The following SNX29 variants were observed in gnomAD, a reference collection of about 807,000 sequenced individuals.
SNX29 encodes the protein sorting nexin-29.
A neutral mutation model predicts 102.1 loss-of-function variants in SNX29; 78 were observed. The ratio of observed to expected loss-of-function variants is 0.76; its 90% confidence interval spans 0.64 to 0.92. The LOEUF is 0.92. SNX29 is among the 40% of genes least tolerant of loss of function. SNX29 has a pLI of 0.00. For missense variants in SNX29, 1,280 were observed against 1,061.7 expected, an observed-to-expected ratio of 1.21 and a Z score of -2.86; for synonymous variants, 580 against 414.5, an observed-to-expected ratio of 1.40 and a Z score of -4.85.
chr16:12,530,468 T>G (rs1356307781), intron 20 of SNX29, among the ~76,000 whole-genome samples: 1 of 152,054 alleles, frequency 6.6e-6, no homozygotes, highest in East Asian at 1.9e-4. Flanking sequence ...TGTCAAGTCT[T>G]TTGTGTAACT....
At position 12,129,885 on chromosome 16, in the gene SNX29, A is replaced by G. The variant is rs966501612; in HGVS notation, c.1595+127A>G. 3 of 1,177,652 alleles carry G rather than the reference A, an allele frequency of 2.5e-6. No homozygotes were observed. The African/African-American group carries it at 4.7e-5, about 18-fold the overall frequency. 73.0% of individuals were successfully genotyped at this position (1,177,652 alleles called of 1,614,324 possible). A position where few individuals can be genotyped will look rare whatever the true frequency, so the allele number is the denominator to read the frequency against. On this transcript the variant is annotated intron_variant, in intron 13 of 20. Transcript: ENST00000566228. ...TTTGGGAGGCCAAGGCGGGTGGATCATAAGGTCAGGAGATCGAGACCATCC... is the reference window on the plus strand; with the variant it reads ...TTTGGGAGGCCAAGGCGGGTGGATCGTAAGGTCAGGAGATCGAGACCATCC...
chr16:12,574,102 TAAC>T lies in SNX29; in HGVS notation c.*5474_*5476del, dbSNP rs1204192604. On this transcript the variant is annotated 3_prime_UTR_variant, in exon 21 of 21. Transcript: ENST00000566228. The stretch of plus-strand genomic sequence containing the variant: ...CGCCCTGAAACCTGTAGTATTATCT[TAAC>T]TACCCTCTTATGTTAAGGTTTACAT... The T allele has an allele frequency of 5.3e-6, 1 of 187,174 alleles. No homozygotes were observed. Among genetic ancestry groups the T allele is most frequent in the African/African-American group, 2.3e-5 (1 of 42,788 alleles). 11.6% of individuals were successfully genotyped at this position (187,174 alleles called of 1,614,324 possible).
Position 12,417,522 on chromosome 16 carries a change from C to G in SNX29, c.2037+13993C>G, listed in dbSNP as rs1013805376. ...TTCTCTTTGCTCCCCGCTTTGCACA[C>G]TCTACATCCCTCCCCTGGTCTTTTC... On this transcript the variant is annotated intron_variant, in intron 18 of 20. Transcript: ENST00000566228. Among the ~76,000 whole-genome samples, 7 of 152,140 alleles carry G rather than the reference C, an allele frequency of 4.6e-5. No individual in the cohort carries two copies. The South Asian group carries it at 6.2e-4, about 14-fold the overall frequency.
chr16:12,092,119 C>G (rs1480023954), intron 11 of SNX29, among the ~76,000 whole-genome samples: 1 of 152,184 alleles, frequency 6.6e-6, no homozygotes, highest in Admixed American at 6.5e-5. Context: ...CTGCTGACTT[C>G]AGGTTTCAGA....
At chr16:12,255,385 T>G (rs893237282) in intron 14 of SNX29, among the ~76,000 whole-genome samples, 1 of 151,890 alleles carries the variant, frequency 6.6e-6, no homozygotes, top group Admixed American at 6.6e-5. Flanking sequence ...AGAGACAGGG[T>G]TTCGCCATAT....
intron 1 of SNX29, among the ~76,000 whole-genome samples, chr16:11,983,471 C>G (rs569612482): frequency 9.2e-5 from 14 of 152,196 alleles, no homozygotes; most frequent in African/African-American, 3.4e-4. Context: ...AATAAATAAT[C>G]AGCTGAAATG....
chr16:12,517,202 A>T (rs989800540), intron 19 of SNX29, among the ~76,000 whole-genome samples: 1 of 152,174 alleles, frequency 6.6e-6, no homozygotes, highest in South Asian at 2.1e-4. Context: ...CAGGTTCCAT[A>T]CGCTGGGTTT....
chr16:12,527,247 C>T lies in SNX29; in HGVS notation c.2318+2406C>T, dbSNP rs567410698. The T allele has an allele frequency of 2.0e-4, 107 of 533,236 alleles. No homozygotes were observed. The East Asian group carries it at 2.9e-3, about 14-fold the overall frequency. The allele number at this position is 533,236 out of a possible 1,614,324, so 33.0% of individuals were successfully genotyped here. ...GGATCAGCCACAGCCAAGCCTTACC[C>T]GTGCTGACGAATCTCCATGTGATCG... is the stretch of plus-strand genomic sequence containing the variant. On this transcript the variant is annotated intron_variant, in intron 20 of 20. Transcript: ENST00000566228.
intron 11 of SNX29, among the ~76,000 whole-genome samples, chr16:12,116,938 G>A (rs952111750): frequency 6.6e-6 from 1 of 151,986 alleles, no homozygotes; most frequent in Non-Finnish European, 1.5e-5. Flanking sequence ...CAACGAGGAC[G>A]AACCATGGAA....
At chr16:12,545,043 T>C (rs11861501) in intron 20 of SNX29, among the ~76,000 whole-genome samples, 2 of 151,956 alleles carry the variant, frequency 1.3e-5, no homozygotes, top group Non-Finnish European at 1.5e-5. Context: ...AGGTCTGTGA[T>C]GCCCTGCTCC....
chr16:12,489,775 G>A (rs1238185559), intron 19 of SNX29, among the ~76,000 whole-genome samples: 10 of 151,850 alleles, frequency 6.6e-5, no homozygotes, highest in Admixed American at 5.9e-4. Flanking sequence ...TTCCTCCCCC[G>A]TTCACTTCTC....
intron 15 of SNX29, among the ~76,000 whole-genome samples, chr16:12,352,076 GGTGA>G (rs1387409174): frequency 6.6e-6 from 1 of 152,074 alleles, no homozygotes; most frequent in Non-Finnish European, 1.5e-5. Context: ...TTAAATCGAA[GGTGA>G]GTGATTTAAA....
intron 7 of SNX29, among the ~76,000 whole-genome samples, chr16:12,050,895 A>G (rs1397788809): frequency 6.9e-6 from 1 of 144,424 alleles, no homozygotes. Flanking sequence ...TTTTTTTTGT[A>G]TTTTTAATAC....
intron 6 of SNX29, among the ~76,000 whole-genome samples, chr16:12,047,622 A>C (rs952834993): frequency 2.0e-5 from 3 of 150,492 alleles, no homozygotes; most frequent in African/African-American, 7.3e-5. Context: ...ACTGGAGTAC[A>C]GGGAGATGCT....
At chr16:12,223,079 G>A (rs577490173) in intron 14 of SNX29, among the ~76,000 whole-genome samples, 6 of 152,274 alleles carry the variant, frequency 3.9e-5, no homozygotes, top group South Asian at 2.1e-4. Flanking sequence ...TCTGAAATGC[G>A]TTTCCTCAGT....
intron 19 of SNX29, among the ~76,000 whole-genome samples, chr16:12,499,775 A>C (rs575069984): frequency 2.0e-5 from 3 of 152,148 alleles, no homozygotes; most frequent in Non-Finnish European, 4.4e-5. Flanking sequence ...CCCTGTGCTC[A>C]GGTGATTCTC....
chr16:12,550,970 CA>C (rs1379412099), intron 20 of SNX29, among the ~76,000 whole-genome samples: 3 of 152,096 alleles, frequency 2.0e-5, no homozygotes, highest in African/African-American at 7.2e-5. Flanking sequence ...GGGCTTAGGG[CA>C]CAACAAAAAG....
intron 15 of SNX29, among the ~76,000 whole-genome samples, chr16:12,315,279 C>T (rs1423431991): frequency 6.6e-6 from 1 of 152,150 alleles, no homozygotes; most frequent in Admixed American, 6.5e-5. Flanking sequence ...AGGGGCCTTG[C>T]TCCGGACCAG....
At chr16:12,371,777 T>A (rs562669406) in intron 16 of SNX29, among the ~76,000 whole-genome samples, 9 of 152,322 alleles carry the variant, frequency 5.9e-5, no homozygotes, top group Non-Finnish European at 8.8e-5. Flanking sequence ...AACGCAGATA[T>A]TTTTTAGCTT....
Sources: gnomAD v4.1 joint callset for allele counts (sites outside exome capture counted in the v4.1 genomes callset) on GRCh38, gnomAD v4.1.1 for gene constraint, MANE v1.5 for transcripts, NCBI Gene and HGNC (gene_info 2026-07-23, HGNC 2026-07-21) for gene names.